GPD1L: variants seen among roughly 807,000 people sequenced by gnomAD.
GPD1L encodes the protein glycerol-3-phosphate dehydrogenase 1 like.
GPD1L carries 17 observed loss-of-function variants against 32.9 expected under a neutral mutation model. That is an observed-to-expected ratio of 0.52 (90% CI 0.35 to 0.78). GPD1L has a LOEUF of 0.78. GPD1L is among the 30% of genes least tolerant of loss of function. The probability of loss-of-function intolerance (pLI) is 0.01; values close to 1 mark genes in which losing one functional copy is unlikely to be tolerated. For synonymous variants in GPD1L, 187 were observed against 165.9 expected (o/e 1.13, Z -0.98); for missense variants, 361 against 447.8 (o/e 0.81, Z 1.75).
At chr3:32,107,929 ACT>A (rs1254161611) in intron 1 of GPD1L, among the ~76,000 whole-genome samples, 1 of 151,782 alleles carries the variant, frequency 6.6e-6, no homozygotes, top group Non-Finnish European at 1.5e-5. Context: ...CAATACTAAG[ACT>A]CTGTTGCAGT....
chr3:32,138,202 G>A (rs75906039), intron 2 of GPD1L, among the ~76,000 whole-genome samples: 4,494 of 152,274 alleles, frequency 0.03, 314 homozygotes, highest in East Asian at 0.25. Flanking sequence ...GAGAACAAGG[G>A]AGCCTGGGGA....
At chr3:32,158,715 C>T (rs1701031164) in intron 5 of GPD1L, 161 bp from the exon 6 acceptor site, 1 of 1,485,778 alleles carries the variant, frequency 6.7e-7, no homozygotes. Flanking sequence ...TTCGTCATCT[C>T]TTTCACCCAG....
intron 1 of GPD1L, among the ~76,000 whole-genome samples, chr3:32,117,097 G>A (rs1050262977): frequency 3.9e-5 from 6 of 152,098 alleles, no homozygotes; most frequent in Non-Finnish European, 5.9e-5. Context: ...TTTTCTCCTT[G>A]CTTTTTCATG....
At chr3:32,113,207 A>G (rs775913136) in intron 1 of GPD1L, among the ~76,000 whole-genome samples, 57 of 152,112 alleles carry the variant, frequency 3.7e-4, no homozygotes, top group East Asian at 1.9e-4. Context: ...TTTCAAGGCA[A>G]TTGATCTTAA....
At position 32,164,150 on chromosome 3, in the gene GPD1L, G is replaced by A. The variant is rs533048431; in HGVS notation, c.960-1664G>A. Among the ~76,000 whole-genome samples the A allele has an allele frequency of 2.6e-5, 4 of 152,318 alleles. No homozygotes were observed. In the South Asian group the frequency reaches 6.2e-4, roughly 24 times the overall value. ...TCTAGGTGAAAGGCTAGGAAGGTGA[G>A]TAGTCTCTTCCAACCTTGGGGAAAG... is the stretch of plus-strand genomic sequence containing the variant. On this transcript the variant is annotated intron_variant, in intron 7 of 7. Transcript: ENST00000282541.
chr3:32,140,164 C>A, intron 3 of GPD1L, 64 bp from the exon 4 acceptor site: 2 of 1,550,930 alleles, frequency 1.3e-6, no homozygotes, highest in Non-Finnish European at 1.8e-6. Flanking sequence ...CATGGGACAT[C>A]TACTATCCCA....
chr3:32,124,301 G>A (rs1256273136), intron 1 of GPD1L, among the ~76,000 whole-genome samples: 1 of 152,166 alleles, frequency 6.6e-6, no homozygotes, highest in Non-Finnish European at 1.5e-5. Flanking sequence ...TCCTGACCTT[G>A]TGATCCACCC....
chr3:32,107,784 A>G (rs575203355), intron 1 of GPD1L, among the ~76,000 whole-genome samples: 172 of 152,264 alleles, frequency 1.1e-3, no homozygotes, highest in African/African-American at 4.1e-3. Flanking sequence ...TCACTTTTCC[A>G]TCCCAGCAAG....
intron 6 of GPD1L, 99 bp downstream of exon 6, chr3:32,159,208 A>G (rs1476356326): frequency 1.8e-5 from 16 of 869,990 alleles, no homozygotes; most frequent in Non-Finnish European, 2.8e-5. Context: ...GCCAGCATCT[A>G]TTTGCTGGGA....
chr3:32,117,409 A>C (rs1335721931), intron 1 of GPD1L, among the ~76,000 whole-genome samples: 1 of 152,234 alleles, frequency 6.6e-6, no homozygotes, highest in African/African-American at 2.4e-5. Flanking sequence ...GCCTAGAAAC[A>C]TAAGCAGAAA....
intron 6 of GPD1L, 112 bp from the exon 7 acceptor site, chr3:32,159,456 C>G (rs1167261771): frequency 4.1e-6 from 3 of 740,164 alleles, no homozygotes; most frequent in Non-Finnish European, 4.5e-6. Context: ...CATAGCAAGA[C>G]CCATTCTCTA....
At chr3:32,158,534 A>G in intron 5 of GPD1L, 1 of 421,106 alleles carries the variant, frequency 2.4e-6, no homozygotes, top group Non-Finnish European at 4.4e-6. Flanking sequence ...TTATGGTTGC[A>G]TAAAGCATTC....
intron 1 of GPD1L, among the ~76,000 whole-genome samples, chr3:32,111,245 C>G (rs936787): frequency 0.42 from 63,646 of 152,084 alleles, 15,243 homozygotes; most frequent in East Asian, 0.64. Context: ...GTTAAAACCT[C>G]AGGGCTGTAT....
intron 2 of GPD1L, among the ~76,000 whole-genome samples, chr3:32,137,191 T>C (rs1344333975): frequency 2.0e-5 from 3 of 152,204 alleles, no homozygotes; most frequent in Admixed American, 2.0e-4. Context: ...AGGCCTTTCA[T>C]TTTGGGAACC....
intron 1 of GPD1L, among the ~76,000 whole-genome samples, chr3:32,119,464 C>G (rs1010011593): frequency 6.6e-6 from 1 of 152,212 alleles, no homozygotes; most frequent in Non-Finnish European, 1.5e-5. Context: ...TCTCCTTCCT[C>G]TTTGAAGTGA....
chr3:32,157,780 G>A (rs969873926), intron 5 of GPD1L, among the ~76,000 whole-genome samples: 25 of 152,172 alleles, frequency 1.6e-4, no homozygotes, highest in Admixed American at 5.2e-4. Context: ...GTAAATGAAT[G>A]GGTATGGCTG....
chr3:32,164,498 C>G (rs1044449582), intron 7 of GPD1L, among the ~76,000 whole-genome samples: 10 of 152,228 alleles, frequency 6.6e-5, no homozygotes, highest in Non-Finnish European at 1.3e-4. Context: ...GCTGTTGTTA[C>G]TGCACATCCA....
intron 4 of GPD1L, among the ~76,000 whole-genome samples, chr3:32,141,408 T>C (rs1559577410): frequency 6.6e-6 from 1 of 152,216 alleles, no homozygotes; most frequent in Non-Finnish European, 1.5e-5. Flanking sequence ...GTATGAACTA[T>C]TATGTTTGTA....
At chr3:32,118,515 A>G (rs753421801) in intron 1 of GPD1L, among the ~76,000 whole-genome samples, 1 of 152,132 alleles carries the variant, frequency 6.6e-6, no homozygotes. Flanking sequence ...GGATCTGACC[A>G]TAGGCTGGGT....
Sources: allele counts gnomAD v4.1 joint callset (sites outside exome capture counted in the v4.1 genomes callset), GRCh38; gene constraint gnomAD v4.1.1; transcripts MANE v1.5; gene names NCBI Gene and HGNC (gene_info 2026-07-23, HGNC 2026-07-21).